The following VWC2L variants were observed in gnomAD, a reference collection of about 807,000 sequenced individuals.
VWC2L encodes von Willebrand factor C domain-containing protein 2-like.
In VWC2L, 10 loss-of-function variants were observed where a neutral mutation model predicts 21.6. The observed-to-expected ratio is 0.46, with a 90% CI of 0.29 to 0.78. VWC2L has a LOEUF of 0.78. VWC2L is among the 30% of genes least tolerant of loss of function. The pLI, the probability that VWC2L is intolerant of heterozygous loss-of-function variation, is 0.10. For missense variants in VWC2L, 209 were observed against 277.1 expected (o/e 0.75, Z 1.74); for synonymous variants, 96 against 94.3 (o/e 1.02, Z -0.10).
chr2:214,413,888 G>C (rs1702314739), intron 1 of VWC2L, among the ~76,000 whole-genome samples: 1 of 152,152 alleles, frequency 6.6e-6, no homozygotes, highest in Non-Finnish European at 1.5e-5. Flanking sequence ...AATTCAAGCT[G>C]AAGGTTCCTA....
At position 214,436,636 on chromosome 2, in the gene VWC2L, C is replaced by T. The variant is rs1702683192; in HGVS notation, c.398C>T (p.Pro133Leu). 1 of 1,613,034 alleles carries T rather than the reference C, an allele frequency of 6.2e-7. No homozygotes were observed. The highest frequency in any genetic ancestry group is 1.3e-5 in the African/African-American group (1 of 74,872). ...YKILEEFKPS[P>L]CEWCRCEPSN... The stretch of plus-strand genomic sequence containing the variant: ...TTTTAGATTTGTTCCTAGCCCTCTC[C>T]ATGTGAATGGTGTCGCTGTGAGCCC... The change falls in exon 3 of 4, where the codon CCA becomes CTA. Residue 133 changes from proline to leucine, a missense_variant. Transcript: ENST00000312504.
chr2:214,542,168 G>T (rs2105921385), intron 3 of VWC2L, among the ~76,000 whole-genome samples: 1 of 152,216 alleles, frequency 6.6e-6, no homozygotes, highest in East Asian at 1.9e-4. Flanking sequence ...GCTTGTCCTT[G>T]TGTGCAGTGC....
intron 3 of VWC2L, among the ~76,000 whole-genome samples, chr2:214,444,535 G>A (rs1027376072): frequency 4.6e-5 from 7 of 152,024 alleles, no homozygotes; most frequent in Non-Finnish European, 4.4e-5. Context: ...TTTTCTATGG[G>A]ATGTAACTTT....
chr2:214,573,552 G>C (rs958512845), intron 3 of VWC2L, among the ~76,000 whole-genome samples: 3 of 152,092 alleles, frequency 2.0e-5, no homozygotes, highest in African/African-American at 7.2e-5. Flanking sequence ...AGCTAGGTTG[G>C]CCCTGGCAAG....
At chr2:214,557,225 A>G (rs1430804815) in intron 3 of VWC2L, among the ~76,000 whole-genome samples, 1 of 152,182 alleles carries the variant, frequency 6.6e-6, no homozygotes, top group Non-Finnish European at 1.5e-5. Context: ...AGACCTCACA[A>G]TCACGGCAGA....
rs117102394 is a variant in VWC2L, at chr2:214,484,006, C to T, written c.520+47248C>T. ...AGAGAAGAATGCTTCCTTGCTGCTT[C>T]TAGTTTCTGGCAATCGCTGGCAATC... On this transcript the variant is annotated intron_variant, in intron 3 of 3. Coordinates refer to ENST00000312504, the MANE Select transcript of VWC2L (RefSeq NM_001080500.4). 2.5e-4 allele frequency among the ~76,000 whole-genome samples: 38 copies of T among 152,280 alleles called. 1 individual carries two copies. In the East Asian group the frequency reaches 3.1e-3, roughly 12 times the overall value.
chr2:214,558,483 C>T lies in VWC2L; in HGVS notation c.521-17189C>T, dbSNP rs140744463. ...CCTGCCCCTTCTCCAGCATTCCATA[C>T]ACTTGTTCAAATTAGAAACTTAAGG... On this transcript the variant is annotated intron_variant, in intron 3 of 3. Coordinates refer to ENST00000312504, the MANE Select transcript of VWC2L (RefSeq NM_001080500.4). Among the ~76,000 whole-genome samples, 829 of 152,290 alleles carry T rather than the reference C, an allele frequency of 5.4e-3. 9 individuals are homozygous for T. Among genetic ancestry groups the T allele is most frequent in the South Asian group, 0.054 (258 of 4,822 alleles).
intron 3 of VWC2L, among the ~76,000 whole-genome samples, chr2:214,476,145 A>T (rs1688514934): frequency 6.6e-6 from 1 of 152,016 alleles, no homozygotes; most frequent in Non-Finnish European, 1.5e-5. Context: ...AATAATTTTC[A>T]CACTCACAGG....
intron 3 of VWC2L, among the ~76,000 whole-genome samples, chr2:214,554,572 A>G (rs192002236): frequency 6.6e-6 from 1 of 152,290 alleles, no homozygotes; most frequent in Non-Finnish European, 1.5e-5. Context: ...CTGAGGCAGG[A>G]GAATCGCTTG....
At chr2:214,566,617 A>G (rs1302073249) in intron 3 of VWC2L, among the ~76,000 whole-genome samples, 2 of 152,144 alleles carry the variant, frequency 1.3e-5, no homozygotes, top group Admixed American at 6.6e-5. Context: ...AGGGTTTGGA[A>G]GTAACACAGG....
chr2:214,511,156 A>G (rs1367077749), intron 3 of VWC2L, among the ~76,000 whole-genome samples: 1 of 151,980 alleles, frequency 6.6e-6, no homozygotes, highest in East Asian at 1.9e-4. Flanking sequence ...ATGCAGCTAC[A>G]TGGGAGGCCA....
chr2:214,466,679 T>G (rs935428644), intron 3 of VWC2L, among the ~76,000 whole-genome samples: 3 of 152,218 alleles, frequency 2.0e-5, no homozygotes, highest in Non-Finnish European at 4.4e-5. Flanking sequence ...TTGTTTTCAA[T>G]CCTATTAACC....
intron 3 of VWC2L, among the ~76,000 whole-genome samples, chr2:214,541,591 G>A (rs1420335683): frequency 6.6e-6 from 1 of 152,196 alleles, no homozygotes; most frequent in East Asian, 1.9e-4. Context: ...ATGAAGACTT[G>A]AGTTTGGGCT....
chr2:214,510,735 G>A (rs1427986228), intron 3 of VWC2L, among the ~76,000 whole-genome samples: 1 of 152,028 alleles, frequency 6.6e-6, no homozygotes, highest in Admixed American at 6.6e-5. Flanking sequence ...TGTATTGCCT[G>A]GCACTTATTT....
chr2:214,524,186 C>G (rs941677341), intron 3 of VWC2L, among the ~76,000 whole-genome samples: 3 of 152,138 alleles, frequency 2.0e-5, no homozygotes, highest in African/African-American at 4.8e-5. Context: ...ATAAAACTCA[C>G]GTGACAAACT....
intron 3 of VWC2L, among the ~76,000 whole-genome samples, chr2:214,529,645 T>C (rs1025773366): frequency 3.9e-5 from 6 of 152,126 alleles, no homozygotes; most frequent in Admixed American, 3.9e-4. Context: ...CCAGGTTTTG[T>C]TCCATTGCAG....
chr2:214,531,903 T>G (rs1190877845), intron 3 of VWC2L, among the ~76,000 whole-genome samples: 1 of 152,156 alleles, frequency 6.6e-6, no homozygotes, highest in Non-Finnish European at 1.5e-5. Context: ...TTTCCACACA[T>G]GCACTAATGA....
intron 3 of VWC2L, among the ~76,000 whole-genome samples, chr2:214,563,578 A>AAAAAAAAAAAAAAAAC (rs1229933171): frequency 7.5e-6 from 1 of 133,530 alleles, no homozygotes; most frequent in African/African-American, 2.8e-5. Flanking sequence ...AAAAAAAAAA[A>AAAAAAAAAAAAAAAAC]AAATCAAGTG....
At chr2:214,514,452 G>C (rs1689108552) in intron 3 of VWC2L, among the ~76,000 whole-genome samples, 1 of 152,106 alleles carries the variant, frequency 6.6e-6, no homozygotes, top group Non-Finnish European at 1.5e-5. Context: ...TCTCTGTCTA[G>C]ATATGGATAT....
Sources: gnomAD v4.1 joint callset for allele counts (sites outside exome capture counted in the v4.1 genomes callset) on GRCh38, gnomAD v4.1.1 for gene constraint, MANE v1.5 for transcripts, NCBI Gene and HGNC (gene_info 2026-07-23, HGNC 2026-07-21) for gene names.